Variants in GNAO1 observed in about 807,000 individuals in gnomAD.
GNAO1 encodes guanine nucleotide-binding protein G(o) subunit alpha.
For synonymous variants in GNAO1, 164 were observed against 180.7 expected (o/e 0.91, Z 0.74); for missense variants, 166 against 478.7 (o/e 0.35, Z 6.10).
intron 6 of GNAO1, chr16:56,346,672 G>C: frequency 3.0e-6 from 3 of 985,480 alleles, no homozygotes; most frequent in Non-Finnish European, 3.6e-6. Context: ...GGACCCTAGA[G>C]CTCAGGCACA....
chr16:56,203,238 C>G (rs1462901200), intron 2 of GNAO1, among the ~76,000 whole-genome samples: 2 of 152,004 alleles, frequency 1.3e-5, no homozygotes, highest in Admixed American at 1.3e-4. Flanking sequence ...CCAGTCACTG[C>G]CCCCTGCTGC....
chr16:56,328,499 G>A, intron 3 of GNAO1, 132 bp from the exon 4 acceptor site: 1 of 879,090 alleles, frequency 1.1e-6, no homozygotes, highest in Non-Finnish European at 1.8e-6. Flanking sequence ...GGAGCAGGCT[G>A]TGGGCTGAGC....
intron 2 of GNAO1, among the ~76,000 whole-genome samples, chr16:56,250,375 A>G (rs2036788558): frequency 6.6e-6 from 1 of 152,204 alleles, no homozygotes; most frequent in Non-Finnish European, 1.5e-5. Context: ...GGCCAATTAG[A>G]CTAGATAAAG....
chr16:56,252,473 A>T (rs1446820444), intron 2 of GNAO1, among the ~76,000 whole-genome samples: 1 of 152,240 alleles, frequency 6.6e-6, no homozygotes, highest in East Asian at 1.9e-4. Flanking sequence ...CTTCCAAGTA[A>T]CACAGAAGCT....
chr16:56,243,575 G>A (rs915290344), intron 2 of GNAO1, among the ~76,000 whole-genome samples: 2 of 152,186 alleles, frequency 1.3e-5, no homozygotes, highest in Non-Finnish European at 2.9e-5. Context: ...GATGCTTGAC[G>A]TTATTGGCCA....
In GNAO1 at chr16:56,192,749, CA is replaced by C. The variant is rs2036190861; in HGVS notation, c.161+134del. The C allele has an allele frequency of 9.8e-5, 65 of 662,308 alleles. 1 individual carries two copies. The highest frequency in any genetic ancestry group is 7.4e-4 in the South Asian group (43 of 57,986). The allele number at this position is 662,308 out of a possible 1,614,324, so 41.0% of individuals were successfully genotyped here. ...GTGCACACACACACACACACACACA[CA>C]CCCCTATATTTGACTCCCCTCCCCC... On this transcript the variant is annotated intron_variant, in intron 2 of 8. Transcript: ENST00000262493.
chr16:56,293,023 G>T (rs2037247168), intron 3 of GNAO1, among the ~76,000 whole-genome samples: 1 of 152,204 alleles, frequency 6.6e-6, no homozygotes, highest in African/African-American at 2.4e-5. Context: ...CAGTGGTTCA[G>T]CCTCAGCTGA....
At chr16:56,214,932 G>A (rs757707662) in intron 2 of GNAO1, among the ~76,000 whole-genome samples, 1 of 152,218 alleles carries the variant, frequency 6.6e-6, no homozygotes, top group African/African-American at 2.4e-5. Context: ...TGCTGTTTCT[G>A]CCCTTCACTG....
intron 2 of GNAO1, among the ~76,000 whole-genome samples, chr16:56,242,995 A>G (rs1227383877): frequency 2.6e-5 from 4 of 152,076 alleles, no homozygotes; most frequent in Admixed American, 6.6e-5. Flanking sequence ...CAGAAGGAGC[A>G]TTAGATTCTT....
At chr16:56,238,366 C>T (rs752561791) in intron 2 of GNAO1, among the ~76,000 whole-genome samples, 12 of 152,242 alleles carry the variant, frequency 7.9e-5, no homozygotes, top group Non-Finnish European at 1.2e-4. Flanking sequence ...GCAGTCCAGT[C>T]TTGCCTGTGC....
chr16:56,355,916 A>T (rs961033916), intron 8 of GNAO1, 187 bp from the exon 9 acceptor site: 1 of 88,760 alleles, frequency 1.1e-5, no homozygotes, highest in Non-Finnish European at 2.1e-5. Flanking sequence ...TCAGGGTCTC[A>T]GGGGGGGGCC....
chr16:56,291,261 C>G (rs1375149313), intron 3 of GNAO1, among the ~76,000 whole-genome samples: 1 of 152,176 alleles, frequency 6.6e-6, no homozygotes, highest in African/African-American at 2.4e-5. Context: ...CAGTGTCTCC[C>G]CGTTCTCACT....
chr16:56,236,934 C>T (rs2143414278), intron 2 of GNAO1, among the ~76,000 whole-genome samples: 1 of 152,326 alleles, frequency 6.6e-6, no homozygotes, highest in South Asian at 2.1e-4. Flanking sequence ...TGTCTAGCTT[C>T]ATCACTTATT....
At chr16:56,291,015 C>G (rs2037227038) in intron 3 of GNAO1, among the ~76,000 whole-genome samples, 1 of 152,184 alleles carries the variant, frequency 6.6e-6, no homozygotes, top group African/African-American at 2.4e-5. Flanking sequence ...ATCTATTCAT[C>G]ATTTGATGGA....
At chr16:56,192,447 T>C (rs1404425246) in intron 1 of GNAO1, 94 bp downstream of exon 1, 2 of 591,844 alleles carry the variant, frequency 3.4e-6, no homozygotes, top group Non-Finnish European at 5.7e-6. Context: ...CCGGGAGACC[T>C]GGTCCCCAAG....
At chr16:56,272,633 T>A (rs1487464415) in intron 2 of GNAO1, among the ~76,000 whole-genome samples, 1 of 152,216 alleles carries the variant, frequency 6.6e-6, no homozygotes, top group Non-Finnish European at 1.5e-5. Context: ...TGGAGACCTG[T>A]ATCCTGTTCT....
intron 5 of GNAO1, among the ~76,000 whole-genome samples, chr16:56,336,045 G>A (rs1474173912): frequency 6.6e-6 from 1 of 152,202 alleles, no homozygotes; most frequent in African/African-American, 2.4e-5. Context: ...CTCGCTCTGG[G>A]GATTGGGGTG....
At chr16:56,248,227 C>T (rs1207673536) in intron 2 of GNAO1, among the ~76,000 whole-genome samples, 4 of 152,224 alleles carry the variant, frequency 2.6e-5, no homozygotes, top group African/African-American at 9.6e-5. Flanking sequence ...TTTCACCACT[C>T]TTAACTCTCG....
At chr16:56,310,293 T>G (rs2037443156) in intron 3 of GNAO1, among the ~76,000 whole-genome samples, 1 of 152,224 alleles carries the variant, frequency 6.6e-6, no homozygotes, top group Non-Finnish European at 1.5e-5. Context: ...ATTTTGCCAC[T>G]GCACTGCAGC....
Sources: allele counts gnomAD v4.1 joint callset (sites outside exome capture counted in the v4.1 genomes callset), GRCh38; gene constraint gnomAD v4.1.1; transcripts MANE v1.5; gene names NCBI Gene and HGNC (gene_info 2026-07-23, HGNC 2026-07-21).